Variants in MED18 observed in about 807,000 individuals in gnomAD.
The protein encoded by MED18 is mediator of RNA polymerase II transcription subunit 18.
MED18 carries 10 observed loss-of-function variants against 13.9 expected under a neutral mutation model. The observed-to-expected ratio is 0.72, with a 90% CI of 0.44 to 1.22. The LOEUF is 1.22. Among genes scored for constraint, MED18 ranks in the 50% most tolerant of loss-of-function variants. MED18 has a pLI of 0.00. For missense variants in MED18, 216 were observed against 279.0 expected, an observed-to-expected ratio of 0.77 and a Z score of 1.61; for synonymous variants, 88 against 93.2, an observed-to-expected ratio of 0.94 and a Z score of 0.32.
chr1:28,329,654 C>T (rs1557752486), intron 1 of MED18, among the ~76,000 whole-genome samples: 1 of 152,154 alleles, frequency 6.6e-6, no homozygotes, highest in Non-Finnish European at 1.5e-5. Flanking sequence ...GTAGTCCCAG[C>T]TACTCGGCTT....
intron 2 of MED18, 87 bp from the exon 3 acceptor site, chr1:28,334,330 G>T: frequency 6.9e-7 from 1 of 1,439,626 alleles, no homozygotes; most frequent in Non-Finnish European, 9.4e-7. Context: ...AACTGTTTTG[G>T]TTTTTCATTT....
In MED18 at chr1:28,332,602, G is replaced by A. The variant is rs370919637; in HGVS notation, c.74-1815G>A. Among the ~76,000 whole-genome samples, 39 of 152,156 alleles carry A rather than the reference G, an allele frequency of 2.6e-4. 1 individual carries two copies. The South Asian group carries it at 6.6e-3, about 26-fold the overall frequency. ...CCTAAGCACAGAGAATAGGAGAAGG[G>A]GTGTGGCAGGAAGGTCACTCCTGGA... is the stretch of plus-strand genomic sequence containing the variant. On this transcript the variant is annotated intron_variant, in intron 2 of 2. Coordinates refer to ENST00000373842, the MANE Select transcript of MED18 (RefSeq NM_017638.3).
chr1:28,329,278 C>CTTTTTT, intron 1 of MED18, 98 bp downstream of exon 1: 1 of 114,604 alleles, frequency 8.7e-6, no homozygotes, highest in Non-Finnish European at 1.8e-5. Flanking sequence ...GGCTCTCTCT[C>CTTTTTT]TCTTTTTTTT....
chr1:28,330,134 G>T (rs1470425451), intron 1 of MED18: 1 of 152,688 alleles, frequency 6.5e-6, no homozygotes, highest in African/African-American at 2.4e-5. Flanking sequence ...AATTAGCTGG[G>T]CTTGGTTGCG....
In MED18 at chr1:28,335,142, A is replaced by G; in HGVS notation, c.*172A>G. ...CTGCAACCTCTGCCTCCTGGGTTCA[A>G]GCAATTCTCCCACCTCAGCCTCCTG... is the stretch of plus-strand genomic sequence containing the variant. On this transcript the variant is annotated 3_prime_UTR_variant, in exon 3 of 3. Coordinates refer to ENST00000373842, the MANE Select transcript of MED18 (RefSeq NM_017638.3). 1 of 610,178 alleles carries G rather than the reference A, an allele frequency of 1.6e-6. No individual in the cohort carries two copies. The allele number at this position is 610,178 out of a possible 1,614,324, so 37.8% of individuals were successfully genotyped here.
chr1:28,334,500 G>A lies in MED18; in HGVS notation c.157G>A (p.Asp53Asn), dbSNP rs1275122026. The A allele has an allele frequency of 1.2e-6, 2 of 1,614,160 alleles. No homozygotes were observed. The highest frequency in any genetic ancestry group is 2.2e-5 in the South Asian group (2 of 91,066). The change falls in exon 3 of 3, where the codon GAC (aspartate) becomes AAC (asparagine). Residue 53 changes from aspartate to asparagine, a missense_variant. By Grantham distance (23) the Asp-to-Asn change is conservative. Transcript: ENST00000373842. ...CDNMEPETFL[D>N]HEMVFLLKGQ... ...CAACATGGAACCTGAGACTTTCCTT[G>A]ACCATGAGATGGTATTCCTCCTTAA...
chr1:28,330,968 G>A (rs901148546), intron 2 of MED18, among the ~76,000 whole-genome samples: 8 of 152,150 alleles, frequency 5.3e-5, no homozygotes, highest in African/African-American at 1.7e-4. Context: ...CGAGGTGGGC[G>A]GATCACGAGG....
Position 28,334,965 on chromosome 1 carries a change from A to C in MED18, c.622A>C (p.Met208Leu). ...HLEKIDPKRL[M>L] Reference sequence around the variant, plus strand: ...AGAGAAAATAGACCCCAAGAGGCTCATGTGACTAAGAGGATCTGTCCACAT... The same window carrying C: ...AGAGAAAATAGACCCCAAGAGGCTCCTGTGACTAAGAGGATCTGTCCACAT... Residue 208 changes from methionine (M) to leucine (L), a missense_variant, in exon 3 of 3, where the codon ATG (methionine) becomes CTG (leucine). Coordinates refer to ENST00000373842, the MANE Select transcript of MED18 (RefSeq NM_017638.3). 1 of 1,611,478 alleles carries C rather than the reference A, an allele frequency of 6.2e-7. No individual in the cohort carries two copies. Among genetic ancestry groups the C allele is most frequent in the Non-Finnish European group, 8.5e-7 (1 of 1,178,196 alleles).
intron 2 of MED18, among the ~76,000 whole-genome samples, chr1:28,331,208 AT>A (rs1649722792): frequency 6.6e-6 from 1 of 151,092 alleles, no homozygotes; most frequent in African/African-American, 2.5e-5. Context: ...AAAAAAAAAA[AT>A]TGCCATCTTA....
In MED18 at chr1:28,330,575, AAACAAGTG is replaced by A. The variant is rs1649686240; in HGVS notation, c.-66-18_-66-11del. Reference sequence around the variant, plus strand: ...GTCTCTCTCCACCACTTTGATGTATAAACAAGTGAACTCTTTTCCAGGTATATCCCGTG... The same window carrying A: ...GTCTCTCTCCACCACTTTGATGTATAAACTCTTTTCCAGGTATATCCCGTG... On this transcript the variant is annotated splice_polypyrimidine_tract_variant and intron_variant, in intron 1 of 2. Coordinates refer to ENST00000373842, the MANE Select transcript of MED18 (RefSeq NM_017638.3). 1 of 987,786 alleles carries A rather than the reference AAACAAGTG, an allele frequency of 1.0e-6. No homozygotes were observed. The highest frequency in any genetic ancestry group is 2.7e-5 in the East Asian group (1 of 37,092). The allele number at this position is 987,786 out of a possible 1,614,324, so 61.2% of individuals were successfully genotyped here. A position where few individuals can be genotyped will look rare whatever the true frequency, so the allele number is the denominator to read the frequency against.
chr1:28,335,086 G>T lies in MED18; in HGVS notation c.*116G>T. The T allele has an allele frequency of 9.7e-7, 1 of 1,028,220 alleles. No individual in the cohort carries two copies. Among genetic ancestry groups the T allele is most frequent in the South Asian group, 1.7e-5 (1 of 58,950 alleles). The allele number at this position is 1,028,220 out of a possible 1,614,324, so 63.7% of individuals were successfully genotyped here. A position where few individuals can be genotyped will look rare whatever the true frequency, so the allele number is the denominator to read the frequency against. Reference sequence around the variant, plus strand: ...AGACAGAGTCTCGCTTTGTTTCCCAGGCTGGAGTGCAGTGGCACGATCTCG... The same window carrying T: ...AGACAGAGTCTCGCTTTGTTTCCCATGCTGGAGTGCAGTGGCACGATCTCG... On this transcript the variant is annotated 3_prime_UTR_variant, in exon 3 of 3. Transcript: ENST00000373842.
intron 2 of MED18, among the ~76,000 whole-genome samples, chr1:28,333,680 T>C (rs1365309431): frequency 6.6e-6 from 1 of 152,068 alleles, no homozygotes; most frequent in Non-Finnish European, 1.5e-5. Flanking sequence ...GCCAACATGG[T>C]GAAACCCTGT....
chr1:28,333,137 G>C (rs972732899), intron 2 of MED18, among the ~76,000 whole-genome samples: 2 of 152,178 alleles, frequency 1.3e-5, no homozygotes, highest in Non-Finnish European at 2.9e-5. Flanking sequence ...TATTGAACAT[G>C]TTAAGATAAA....
chr1:28,332,969 T>C (rs1649792621), intron 2 of MED18, among the ~76,000 whole-genome samples: 1 of 152,160 alleles, frequency 6.6e-6, no homozygotes, highest in South Asian at 2.1e-4. Context: ...AAATACGGAT[T>C]CAATGGAGGG....
intron 1 of MED18, among the ~76,000 whole-genome samples, chr1:28,329,635 C>T (rs1031029254): frequency 6.6e-6 from 1 of 152,070 alleles, no homozygotes; most frequent in Admixed American, 6.6e-5. Flanking sequence ...GTGTGGTCTC[C>T]CGCCTGTAGT....
Position 28,330,525 on chromosome 1 carries a change from G to T in MED18, c.-66-72G>T, listed in dbSNP as rs1054267954. ...TTTTGAATGAATGAATCTTTGATTT[G>T]AAGGCCAGTGCCACAACAGATCTGG... On this transcript the variant is annotated intron_variant, in intron 1 of 2. Transcript: ENST00000373842. 5.2e-6 allele frequency: 3 copies of T among 580,514 alleles called. No individual in the cohort carries two copies. In the African/African-American group the frequency reaches 6.0e-5, roughly 12 times the overall value. The allele number at this position is 580,514 out of a possible 1,614,324, so 36.0% of individuals were successfully genotyped here.
chr1:28,334,539 A>G lies in MED18; in HGVS notation c.196A>G (p.Ser66Gly), dbSNP rs1180434028. 2.5e-6 allele frequency: 4 copies of G among 1,614,200 alleles called. No individual in the cohort carries two copies. Among genetic ancestry groups the G allele is most frequent in the Non-Finnish European group, 2.5e-6 (3 of 1,180,026 alleles). ...ATTCCTCCTTAAGGGCCAGCAAGCC[A>G]GCCCATTTGTTCTCAGGGCCCGACG... ...MVFLLKGQQA[S>G]PFVLRARRSM... The change falls in exon 3 of 3, where the codon AGC (serine) becomes GGC (glycine). Residue 66 changes from serine to glycine, a missense_variant. Transcript: ENST00000373842.
chr1:28,329,476 G>T (rs927084260), intron 1 of MED18, among the ~76,000 whole-genome samples: 11 of 151,800 alleles, frequency 7.2e-5, no homozygotes, highest in Non-Finnish European at 1.2e-4. Flanking sequence ...TAGTAGAGTC[G>T]GGGTTTCTTC....
At chr1:28,329,649 C>T (rs1244743729) in intron 1 of MED18, among the ~76,000 whole-genome samples, 1 of 152,080 alleles carries the variant, frequency 6.6e-6, no homozygotes, top group African/African-American at 2.4e-5. Context: ...CTGTAGTAGT[C>T]CCAGCTACTC....
Sources: gnomAD v4.1 joint callset for allele counts (sites outside exome capture counted in the v4.1 genomes callset) on GRCh38, gnomAD v4.1.1 for gene constraint, MANE v1.5 for transcripts, NCBI Gene and HGNC (gene_info 2026-07-23, HGNC 2026-07-21) for gene names.